Variants in COLEC12 observed in about 807,000 individuals in gnomAD.
COLEC12 encodes collectin-12.
COLEC12 carries 33 observed loss-of-function variants against 71.1 expected under a neutral mutation model. The ratio of observed to expected loss-of-function variants is 0.46; its 90% confidence interval spans 0.35 to 0.62. The LOEUF is 0.62. Among genes scored for constraint, COLEC12 ranks in the 20% least tolerant of loss-of-function variants. The pLI is 0.00. For synonymous variants in COLEC12, 350 were observed against 353.0 expected, an observed-to-expected ratio of 0.99 and a Z score of 0.10; for missense variants, 765 against 916.1, an observed-to-expected ratio of 0.84 and a Z score of 2.13.
chr18:359,202 G>C (rs529232148), intron 2 of COLEC12, among the ~76,000 whole-genome samples: 46 of 152,280 alleles, frequency 3.0e-4, no homozygotes, highest in African/African-American at 1.1e-3. Context: ...AGAACTTTGA[G>C]AGCTGGTTGT....
intron 1 of COLEC12, among the ~76,000 whole-genome samples, chr18:494,568 C>T (rs1917675826): frequency 6.6e-6 from 1 of 152,126 alleles, no homozygotes; most frequent in South Asian, 2.1e-4. Context: ...ACACTCCTCG[C>T]CCAGCACACA....
At chr18:469,111 G>A (rs568416444) in intron 2 of COLEC12, among the ~76,000 whole-genome samples, 1 of 152,358 alleles carries the variant, frequency 6.6e-6, no homozygotes, top group South Asian at 2.1e-4. Flanking sequence ...CTTTTCTGCA[G>A]GACAAAGGAA....
chr18:463,688 T>G (rs1308584009), intron 2 of COLEC12, among the ~76,000 whole-genome samples: 1 of 152,096 alleles, frequency 6.6e-6, no homozygotes, highest in Non-Finnish European at 1.5e-5. Context: ...CAGATAAAAG[T>G]GTCTTGTCTT....
chr18:470,363 C>T (rs976350206), intron 2 of COLEC12, among the ~76,000 whole-genome samples: 1 of 151,246 alleles, frequency 6.6e-6, no homozygotes, highest in Admixed American at 6.6e-5. Context: ...TCCCAAGCAG[C>T]TGGGATGACA....
intron 1 of COLEC12, among the ~76,000 whole-genome samples, chr18:483,019 A>G (rs931726493): frequency 4.6e-5 from 7 of 152,230 alleles, no homozygotes; most frequent in Non-Finnish European, 8.8e-5. Context: ...GAACCTTGAA[A>G]TGTTATGGAG....
intron 2 of COLEC12, among the ~76,000 whole-genome samples, chr18:401,185 GCCT>G (rs1915678656): frequency 6.6e-6 from 1 of 152,160 alleles, no homozygotes; most frequent in African/African-American, 2.4e-5. Context: ...TCACCAATAC[GCCT>G]CCTATGTTCT....
At chr18:344,427 G>A (rs1046905713) in intron 5 of COLEC12, among the ~76,000 whole-genome samples, 6 of 152,228 alleles carry the variant, frequency 3.9e-5, no homozygotes, top group African/African-American at 1.2e-4. Context: ...AGGGGTGAAA[G>A]CTCCCAGGTC....
At chr18:475,343 G>A (rs1412210418) in intron 2 of COLEC12, among the ~76,000 whole-genome samples, 1 of 152,130 alleles carries the variant, frequency 6.6e-6, no homozygotes, top group South Asian at 2.1e-4. Context: ...GGAAATGATG[G>A]AAATTCCTGG....
At chr18:334,088 G>A (rs1397556451) in intron 6 of COLEC12, 1 of 152,338 alleles carries the variant, frequency 6.6e-6, no homozygotes, top group East Asian at 1.9e-4. Context: ...AGGAGTCTGA[G>A]TGGGAAGATC....
At position 316,825 on chromosome 18, in the gene COLEC12, T is replaced by A. The variant is rs555922977; in HGVS notation, c.*3220A>T. 1.3e-5 allele frequency: 2 copies of A among 152,152 alleles called. No individual in the cohort carries two copies. The highest frequency in any genetic ancestry group is 2.9e-5 in the Non-Finnish European group (2 of 68,014). 9.4% of individuals were successfully genotyped at this position (152,152 alleles called of 1,614,324 possible). ...TGTTTAGAGGAAAAAACATTTTCTA[T>A]CTTCTCATAGTAGTAAGTAGCAACT... On this transcript the variant is annotated 3_prime_UTR_variant, in exon 10 of 10. Transcript: ENST00000400256.
chr18:446,252 A>G (rs999977627), intron 2 of COLEC12, among the ~76,000 whole-genome samples: 2 of 151,768 alleles, frequency 1.3e-5, no homozygotes, highest in Non-Finnish European at 2.9e-5. Flanking sequence ...GTGTATATAT[A>G]TATGTGTGTG....
chr18:395,464 C>G (rs1307954175), intron 2 of COLEC12, among the ~76,000 whole-genome samples: 2 of 152,202 alleles, frequency 1.3e-5, no homozygotes, highest in Non-Finnish European at 2.9e-5. Flanking sequence ...CCTGCGAGCA[C>G]TGGACCTTTT....
At chr18:425,836 C>T (rs939514417) in intron 2 of COLEC12, among the ~76,000 whole-genome samples, 2 of 152,150 alleles carry the variant, frequency 1.3e-5, no homozygotes, top group African/African-American at 2.4e-5. Context: ...TAAGAACTCA[C>T]CACCCCATCT....
chr18:446,538 T>TA (rs1309408315), intron 2 of COLEC12, among the ~76,000 whole-genome samples: 32 of 115,198 alleles, frequency 2.8e-4, no homozygotes, highest in African/African-American at 5.4e-4. Flanking sequence ...CCTATCTCTG[T>TA]AAAAAAAAAA....
intron 9 of COLEC12, 72 bp downstream of exon 9, chr18:321,590 G>A: frequency 1.3e-6 from 2 of 1,558,872 alleles, no homozygotes; most frequent in South Asian, 2.3e-5. Flanking sequence ...CAGGGCCCTT[G>A]TACTCACCAC....
At chr18:385,895 T>C (rs558047050) in intron 2 of COLEC12, among the ~76,000 whole-genome samples, 2 of 64,316 alleles carry the variant, frequency 3.1e-5, no homozygotes, top group African/African-American at 9.8e-5. Flanking sequence ...AGAAACTTTA[T>C]ATGTCAGAAT....
In COLEC12 at chr18:334,829, T is replaced by C; in HGVS notation, c.1729A>G (p.Lys577Glu). The stretch of plus-strand genomic sequence containing the variant: ...GGGCCAGGAGGGCCGGGGGGGCCCT[T>C]GGGGCCTGGCATGCCTGGTACCCCA... ...LPGVPGMPGPKGPPGPPGPSG... is the reference protein window; with the variant it reads ...LPGVPGMPGPEGPPGPPGPSG... The change falls in exon 6 of 10, where the codon AAG becomes GAG. Residue 577 changes from lysine (K) to glutamate (E), a missense_variant. Lys to Glu is a moderately conservative substitution (Grantham distance 56). Transcript: ENST00000400256. The C allele has an allele frequency of 6.6e-7, 1 of 1,518,618 alleles. No homozygotes were observed. The highest frequency in any genetic ancestry group is 8.8e-7 in the Non-Finnish European group (1 of 1,141,284). The allele number at this position is 1,518,618 out of a possible 1,614,324, so 94.1% of individuals were successfully genotyped here. A position where few individuals can be genotyped will look rare whatever the true frequency, so the allele number is the denominator to read the frequency against.
chr18:427,134 G>A (rs947462702), intron 2 of COLEC12, among the ~76,000 whole-genome samples: 1 of 152,198 alleles, frequency 6.6e-6, no homozygotes, highest in Non-Finnish European at 1.5e-5. Flanking sequence ...CAGATGACTT[G>A]AGGGAAGAGG....
chr18:479,439 G>A (rs1237341916), intron 2 of COLEC12, among the ~76,000 whole-genome samples: 3 of 152,166 alleles, frequency 2.0e-5, no homozygotes, highest in African/African-American at 4.8e-5. Flanking sequence ...CAACGCGGGA[G>A]GCAGAGCAGC....
Sources: gnomAD v4.1 joint callset for allele counts (sites outside exome capture counted in the v4.1 genomes callset) on GRCh38, gnomAD v4.1.1 for gene constraint, MANE v1.5 for transcripts, NCBI Gene and HGNC (gene_info 2026-07-23, HGNC 2026-07-21) for gene names.